The following DGKI variants were observed in gnomAD, a reference collection of about 807,000 sequenced individuals.
DGKI encodes diacylglycerol kinase iota.
DGKI carries 55 observed loss-of-function variants against 147.5 expected under a neutral mutation model. The observed-to-expected ratio is 0.37, with a 90% CI of 0.30 to 0.47. The LOEUF (loss-of-function observed/expected upper bound fraction) is 0.47, where lower values mean the gene tolerates loss of function less well. Ranked by LOEUF, DGKI falls within the 20% of genes least tolerant of loss-of-function variation. DGKI has a pLI of 1.00. For synonymous variants in DGKI, 469 were observed against 477.1 expected (o/e 0.98, Z 0.22); for missense variants, 1,007 against 1,323.8 (o/e 0.76, Z 3.71).
intron 1 of DGKI, among the ~76,000 whole-genome samples, chr7:137,805,018 A>G (rs1041340219): frequency 2.0e-5 from 3 of 152,190 alleles, no homozygotes; most frequent in African/African-American, 7.2e-5. Flanking sequence ...GCTGCTTATT[A>G]CCTACTTGTT....
chr7:137,514,246 AT>A (rs1816677132), intron 21 of DGKI, among the ~76,000 whole-genome samples: 3 of 152,294 alleles, frequency 2.0e-5, no homozygotes, highest in South Asian at 2.1e-4. Context: ...ATTAAAAAAA[AT>A]AAAATAAAAT....
chr7:137,428,500 G>A (rs1812916429), intron 28 of DGKI, among the ~76,000 whole-genome samples: 1 of 152,134 alleles, frequency 6.6e-6, no homozygotes, highest in African/African-American at 2.4e-5. Flanking sequence ...ACAAGACAGG[G>A]ATGCCCTCTC....
intron 1 of DGKI, 24 bp from the exon 2 acceptor site, chr7:137,690,026 A>T (rs1225618885): frequency 7.6e-6 from 12 of 1,568,666 alleles, no homozygotes; most frequent in African/African-American, 1.4e-5. Flanking sequence ...AAAAACAAAA[A>T]CAAAAACAAA....
intron 21 of DGKI, among the ~76,000 whole-genome samples, chr7:137,488,978 G>A (rs1256908135): frequency 6.6e-6 from 1 of 152,154 alleles, no homozygotes; most frequent in Non-Finnish European, 1.5e-5. Context: ...TGACGTTTTA[G>A]CTAGAGGAGT....
chr7:137,817,410 A>G (rs537013984), intron 1 of DGKI, among the ~76,000 whole-genome samples: 12 of 152,370 alleles, frequency 7.9e-5, no homozygotes, highest in African/African-American at 2.4e-4. Context: ...CACAAGATAT[A>G]TATACCTATA....
intron 21 of DGKI, among the ~76,000 whole-genome samples, chr7:137,489,263 G>A (rs1050833526): frequency 3.3e-5 from 5 of 152,130 alleles, no homozygotes; most frequent in East Asian, 1.9e-4. Context: ...TGGGCTTAAC[G>A]ACTGTTTGGA....
chr7:137,503,805 G>C (rs1184141962), intron 21 of DGKI, among the ~76,000 whole-genome samples: 5 of 152,046 alleles, frequency 3.3e-5, no homozygotes, highest in Admixed American at 3.3e-4. Flanking sequence ...TGAAGATTAA[G>C]TCCTACCTAT....
intron 27 of DGKI, among the ~76,000 whole-genome samples, chr7:137,446,203 T>A (rs1267664179): frequency 6.6e-6 from 1 of 152,222 alleles, no homozygotes; most frequent in Non-Finnish European, 1.5e-5. Context: ...AGCCCTGATA[T>A]TAAATCTGAA....
chr7:137,469,115 C>A (rs1430449985), intron 24 of DGKI, among the ~76,000 whole-genome samples: 2 of 152,168 alleles, frequency 1.3e-5, no homozygotes, highest in Non-Finnish European at 2.9e-5. Flanking sequence ...AATTTTTCCA[C>A]CTTTTTCCAG....
At chr7:137,755,157 A>C (rs1208485591) in intron 1 of DGKI, among the ~76,000 whole-genome samples, 1 of 152,234 alleles carries the variant, frequency 6.6e-6, no homozygotes, top group Non-Finnish European at 1.5e-5. Flanking sequence ...GAGAGGAAGA[A>C]TAAAATAAGA....
intron 1 of DGKI, among the ~76,000 whole-genome samples, chr7:137,717,232 C>T (rs1188706109): frequency 6.6e-6 from 1 of 152,104 alleles, no homozygotes; most frequent in Non-Finnish European, 1.5e-5. Flanking sequence ...TGGTTCAGAG[C>T]TGGTGGGATG....
intron 23 of DGKI, among the ~76,000 whole-genome samples, chr7:137,472,229 A>G (rs1814948816): frequency 9.7e-6 from 1 of 103,312 alleles, no homozygotes; most frequent in Non-Finnish European, 1.7e-5. Context: ...GTATATATAC[A>G]TATAATATAT....
chr7:137,657,340 A>T (rs1822261565), intron 3 of DGKI, among the ~76,000 whole-genome samples: 1 of 152,252 alleles, frequency 6.6e-6, no homozygotes, highest in Non-Finnish European at 1.5e-5. Context: ...GTCTGGCTTC[A>T]GAGCTCATGC....
At chr7:137,518,094 G>A (rs1292050960) in intron 21 of DGKI, among the ~76,000 whole-genome samples, 3 of 152,008 alleles carry the variant, frequency 2.0e-5, no homozygotes, top group Non-Finnish European at 4.4e-5. Context: ...TTATGGACTT[G>A]AAGACTGATG....
At chr7:137,711,321 A>C (rs1423931349) in intron 1 of DGKI, among the ~76,000 whole-genome samples, 1 of 152,212 alleles carries the variant, frequency 6.6e-6, no homozygotes, top group Non-Finnish European at 1.5e-5. Context: ...ACTATTTATT[A>C]CAGAAAAATA....
At chr7:137,472,152 TATAA>T (rs1451333841) in intron 23 of DGKI, among the ~76,000 whole-genome samples, 12 of 121,808 alleles carry the variant, frequency 9.9e-5, no homozygotes, top group East Asian at 2.4e-4. Flanking sequence ...TGTATATACA[TATAA>T]ATATTATATA....
chr7:137,476,269 G>C (rs546238598), intron 23 of DGKI, among the ~76,000 whole-genome samples: 1 of 152,134 alleles, frequency 6.6e-6, no homozygotes, highest in Non-Finnish European at 1.5e-5. Context: ...ACACTAATCC[G>C]GACAAGCTGT....
At chr7:137,596,545 G>GA (rs903251860) in intron 12 of DGKI, among the ~76,000 whole-genome samples, 1 of 152,012 alleles carries the variant, frequency 6.6e-6, no homozygotes, top group East Asian at 1.9e-4. Context: ...TTGTGTGGGG[G>GA]AAAAAAATTC....
rs114926333 is a variant in DGKI, at chr7:137,762,390, G to A, written c.402-72388C>T. On this transcript the variant is annotated intron_variant, in intron 1 of 32. Transcript: ENST00000614521. ...TAAGATAAAAGAGCATGCCCTTTAT[G>A]TTACAACTGCTCCTTTTTAGAGTAT... is the stretch of plus-strand genomic sequence containing the variant. Among the ~76,000 whole-genome samples the A allele has an allele frequency of 3.6e-3, 548 of 152,296 alleles. 4 individuals are homozygous for A. The highest frequency in any genetic ancestry group is 0.013 in the African/African-American group (530 of 41,550).
Sources: allele counts gnomAD v4.1 joint callset (sites outside exome capture counted in the v4.1 genomes callset), GRCh38; gene constraint gnomAD v4.1.1; transcripts MANE v1.5; gene names NCBI Gene and HGNC (gene_info 2026-07-23, HGNC 2026-07-21).